The following ST6GALNAC3 variants were observed in gnomAD, a reference collection of about 807,000 sequenced individuals.
ST6GALNAC3 encodes the protein alpha-N-acetylgalactosaminide alpha-2,6-sialyltransferase 3.
Under a neutral mutation model 32.7 loss-of-function variants are expected in ST6GALNAC3, and 25 were observed. The observed-to-expected ratio is 0.76, with a 90% CI of 0.56 to 1.07. The LOEUF is 1.07. Ranked by LOEUF, ST6GALNAC3 falls within the 50% of genes least tolerant of loss-of-function variation. The pLI is 0.00. For synonymous variants in ST6GALNAC3, 129 were observed against 133.1 expected (o/e 0.97, Z 0.21); for missense variants, 355 against 382.4 (o/e 0.93, Z 0.60).
At chr1:76,248,947 A>G (rs1657460691) in intron 1 of ST6GALNAC3, among the ~76,000 whole-genome samples, 1 of 152,182 alleles carries the variant, frequency 6.6e-6, no homozygotes, top group African/African-American at 2.4e-5. Context: ...GTACCGATTT[A>G]CCTTGTATTA....
At chr1:76,171,042 CTATT>C (rs756907785) in intron 1 of ST6GALNAC3, among the ~76,000 whole-genome samples, 73 of 151,670 alleles carry the variant, frequency 4.8e-4, no homozygotes, top group Non-Finnish European at 8.2e-4. Context: ...TTTTCAAAGA[CTATT>C]TATTTTGTTT....
At chr1:76,591,777 G>A (rs1647051755) in intron 3 of ST6GALNAC3, among the ~76,000 whole-genome samples, 1 of 152,118 alleles carries the variant, frequency 6.6e-6, no homozygotes, top group Admixed American at 6.6e-5. Context: ...ACACAGAGGA[G>A]GTCATATGTG....
intron 3 of ST6GALNAC3, among the ~76,000 whole-genome samples, chr1:76,615,179 C>T (rs1221718526): frequency 1.3e-5 from 2 of 152,070 alleles, no homozygotes; most frequent in Admixed American, 6.5e-5. Context: ...CATCAGTTTC[C>T]TTTTGTCCAG....
chr1:76,584,393 G>A (rs1646932111), intron 3 of ST6GALNAC3, among the ~76,000 whole-genome samples: 2 of 152,280 alleles, frequency 1.3e-5, no homozygotes. Context: ...TCACTAATAA[G>A]CATCTGTGAT....
At chr1:76,525,542 A>C (rs751392648) in intron 3 of ST6GALNAC3, among the ~76,000 whole-genome samples, 1 of 151,606 alleles carries the variant, frequency 6.6e-6, no homozygotes, top group African/African-American at 2.4e-5. Context: ...ACAGATGCCC[A>C]GTTGTTTTGG....
intron 3 of ST6GALNAC3, among the ~76,000 whole-genome samples, chr1:76,540,968 GT>G (rs1663952877): frequency 1.3e-5 from 2 of 152,240 alleles, no homozygotes; most frequent in South Asian, 4.2e-4. Context: ...ACATGCCAAG[GT>G]GCTTGGGAGC....
intron 3 of ST6GALNAC3, among the ~76,000 whole-genome samples, chr1:76,587,499 C>T (rs908803685): frequency 1.4e-4 from 21 of 152,306 alleles, no homozygotes; most frequent in African/African-American, 4.3e-4. Flanking sequence ...TTCTGCTGCC[C>T]GTCCTGGCCC....
intron 3 of ST6GALNAC3, among the ~76,000 whole-genome samples, chr1:76,570,003 A>T (rs1431728711): frequency 6.6e-6 from 1 of 152,136 alleles, no homozygotes; most frequent in East Asian, 1.9e-4. Context: ...TAAATCACTG[A>T]TCATTTTCCA....
intron 1 of ST6GALNAC3, among the ~76,000 whole-genome samples, chr1:76,278,383 A>C (rs953441433): frequency 6.6e-6 from 1 of 151,858 alleles, no homozygotes; most frequent in Non-Finnish European, 1.5e-5. Context: ...CACCATGCCC[A>C]GCTAATTTTT....
chr1:76,502,107 G>A (rs953643775), intron 3 of ST6GALNAC3, among the ~76,000 whole-genome samples: 1 of 152,176 alleles, frequency 6.6e-6, no homozygotes, highest in African/African-American at 2.4e-5. Context: ...GAGCCCCACA[G>A]CAGCCTCCCT....
Position 76,357,143 on chromosome 1 carries a change from T to TTTTG in ST6GALNAC3, c.213+43146_213+43147insTGTT, listed in dbSNP as rs1420644831. 2.3e-3 allele frequency among the ~76,000 whole-genome samples: 331 copies of TTTTG among 146,044 alleles called. 4 individuals are homozygous for TTTTG. The highest frequency in any genetic ancestry group is 7.7e-3 in the African/African-American group (303 of 39,582). ...TCTTTTCTTTTTCTTTTTTTTTTTT[T>TTTTG]TTCATTTTTGAGACCGAGTCTTACT... On this transcript the variant is annotated intron_variant, in intron 2 of 4. Transcript: ENST00000328299.
chr1:76,621,626 G>T lies in ST6GALNAC3; in HGVS notation c.624-5826G>T, dbSNP rs555578207. Among the ~76,000 whole-genome samples the T allele has an allele frequency of 3.8e-4, 58 of 152,078 alleles. No individual in the cohort carries two copies. In the South Asian group the frequency reaches 0.011, roughly 30 times the overall value. ...ACAGCTGAAATTGTTTCCACACTTT[G>T]AGCTCTGCTTCCATTAGACTGGTTC... On this transcript the variant is annotated intron_variant, in intron 3 of 4. Coordinates refer to ENST00000328299, the MANE Select transcript of ST6GALNAC3 (RefSeq NM_152996.4).
chr1:76,560,594 G>T (rs951309163), intron 3 of ST6GALNAC3, among the ~76,000 whole-genome samples: 1 of 152,096 alleles, frequency 6.6e-6, no homozygotes, highest in Non-Finnish European at 1.5e-5. Flanking sequence ...GCTCAACATC[G>T]CTGATCATCA....
chr1:76,590,026 T>C (rs1647023214), intron 3 of ST6GALNAC3, among the ~76,000 whole-genome samples: 1 of 152,134 alleles, frequency 6.6e-6, no homozygotes, highest in African/African-American at 2.4e-5. Context: ...TCTTAATTAA[T>C]TCTGGCCAGG....
intron 2 of ST6GALNAC3, chr1:76,353,564 A>C (rs893614678): frequency 3.9e-5 from 6 of 155,458 alleles, no homozygotes; most frequent in African/African-American, 1.4e-4. Flanking sequence ...GAAACAGTGA[A>C]GGGATCTGGG....
chr1:76,287,592 C>T (rs1483205882), intron 1 of ST6GALNAC3, among the ~76,000 whole-genome samples: 1 of 152,030 alleles, frequency 6.6e-6, no homozygotes, highest in African/African-American at 2.4e-5. Context: ...ATAGGATCCT[C>T]TGGTAGCAGC....
intron 3 of ST6GALNAC3, among the ~76,000 whole-genome samples, chr1:76,421,595 A>G (rs549860477): frequency 1.3e-5 from 2 of 152,036 alleles, no homozygotes; most frequent in South Asian, 4.1e-4. Context: ...AGAACTGAAA[A>G]CTCTCATAAA....
intron 1 of ST6GALNAC3, among the ~76,000 whole-genome samples, chr1:76,299,274 G>A (rs1660590505): frequency 6.6e-6 from 1 of 152,026 alleles, no homozygotes; most frequent in Non-Finnish European, 1.5e-5. Context: ...GGTTAAAGCA[G>A]ATGAACTGGG....
At chr1:76,189,726 G>C (rs1653786253) in intron 1 of ST6GALNAC3, among the ~76,000 whole-genome samples, 1 of 113,746 alleles carries the variant, frequency 8.8e-6, no homozygotes, top group Admixed American at 8.3e-5. Context: ...GAGGTATGGA[G>C]GAGAGAAAGG....
Sources: gnomAD v4.1 joint callset for allele counts (sites outside exome capture counted in the v4.1 genomes callset) on GRCh38, gnomAD v4.1.1 for gene constraint, MANE v1.5 for transcripts, NCBI Gene and HGNC (gene_info 2026-07-23, HGNC 2026-07-21) for gene names.